Variants in GREM2 observed in about 807,000 individuals in gnomAD.
GREM2 encodes the protein gremlin-2.
In GREM2, 11 loss-of-function variants were observed where a neutral mutation model predicts 14.2. The ratio of observed to expected loss-of-function variants is 0.78; its 90% confidence interval spans 0.49 to 1.28. GREM2 has a LOEUF of 1.28. GREM2 is among the 50% of genes most tolerant of loss of function. The pLI is 0.00. For synonymous variants in GREM2, 98 were observed against 97.6 expected (o/e 1.00, Z -0.02); for missense variants, 210 against 218.5 (o/e 0.96, Z 0.24).
intron 1 of GREM2, among the ~76,000 whole-genome samples, chr1:240,577,429 T>C (rs561881815): frequency 3.9e-4 from 60 of 152,342 alleles, no homozygotes; most frequent in African/African-American, 1.4e-3. Context: ...CACACAAATA[T>C]GTTGTGCCAC....
chr1:240,535,798 C>CA (rs71170755), intron 1 of GREM2, among the ~76,000 whole-genome samples: 116,744 of 130,070 alleles, frequency 0.9, 52,256 homozygotes, highest in East Asian at 0.93. Context: ...GACTCCATCG[C>CA]AAAAAAAAAA....
chr1:240,581,479 T>A (rs1466491082), intron 1 of GREM2, among the ~76,000 whole-genome samples: 4 of 152,196 alleles, frequency 2.6e-5, no homozygotes, highest in Non-Finnish European at 5.9e-5. Flanking sequence ...GTTTGAACAT[T>A]TTAAGTTAAA....
chr1:240,556,889 G>A (rs1045196492), intron 1 of GREM2, among the ~76,000 whole-genome samples: 10 of 152,182 alleles, frequency 6.6e-5, no homozygotes, highest in Admixed American at 5.9e-4. Flanking sequence ...ATCATGGGAT[G>A]TCTGGGCGTG....
chr1:240,545,075 T>G (rs1485373688), intron 1 of GREM2, among the ~76,000 whole-genome samples: 1 of 152,234 alleles, frequency 6.6e-6, no homozygotes, highest in Non-Finnish European at 1.5e-5. Context: ...TGTTGTCTGA[T>G]GGCTGGAGGC....
At chr1:240,500,450 C>T (rs1677545359) in intron 1 of GREM2, among the ~76,000 whole-genome samples, 2 of 152,162 alleles carry the variant, frequency 1.3e-5, no homozygotes, top group East Asian at 1.9e-4. Flanking sequence ...AGGCACCCAC[C>T]ACCACACCTG....
Position 240,560,290 on chromosome 1 carries a change from C to T in GREM2, c.-2+51594G>A, listed in dbSNP as rs565586932. On this transcript the variant is annotated intron_variant, in intron 1 of 1. Transcript: ENST00000318160. ...CAGTGCAGTTGGGTGATACTGCCGCCATGGGTGCTCAGGTGCCAGCAGTTG... is the reference window on the plus strand; with the variant it reads ...CAGTGCAGTTGGGTGATACTGCCGCTATGGGTGCTCAGGTGCCAGCAGTTG... Among the ~76,000 whole-genome samples, 6 of 152,238 alleles carry T rather than the reference C, an allele frequency of 3.9e-5. No individual in the cohort carries two copies. In the South Asian group the frequency reaches 1.2e-3, roughly 32 times the overall value.
chr1:240,503,763 C>A (rs138452040), intron 1 of GREM2, among the ~76,000 whole-genome samples: 1 of 152,260 alleles, frequency 6.6e-6, no homozygotes, highest in Non-Finnish European at 1.5e-5. Flanking sequence ...CTTTGTGAAA[C>A]CATACATGTT....
Position 240,543,805 on chromosome 1 carries a change from AT to A in GREM2, c.-1-50330del, listed in dbSNP as rs1360373349. Among the ~76,000 whole-genome samples the A allele has an allele frequency of 1.3e-5, 2 of 152,202 alleles. No individual in the cohort carries two copies. The highest frequency in any genetic ancestry group is 2.9e-5 in the Non-Finnish European group (2 of 68,030). On this transcript the variant is annotated intron_variant, in intron 1 of 1. Coordinates refer to ENST00000318160, the MANE Select transcript of GREM2 (RefSeq NM_022469.4). This position sits in a 1 kb window ranked among gnomAD's most constrained non-coding sequence, Gnocchi z 6.4. ...GGGATTGATATACAGGCCTAACGCT[AT>A]TTTTGACACTTGATATCTTAAGAGA...
chr1:240,506,015 C>A (rs1180023530), intron 1 of GREM2, among the ~76,000 whole-genome samples: 2 of 152,006 alleles, frequency 1.3e-5, no homozygotes, highest in Admixed American at 1.3e-4. Flanking sequence ...ATACTCTTTA[C>A]ATAATATCTA....
At chr1:240,565,613 G>A (rs1284968335) in intron 1 of GREM2, among the ~76,000 whole-genome samples, 1 of 152,000 alleles carries the variant, frequency 6.6e-6, no homozygotes, top group Non-Finnish European at 1.5e-5. Context: ...TTAGGAGGCC[G>A]AGGTGGGCAG....
rs1402467269 is a variant in GREM2, at chr1:240,542,084, C to T, written c.-1-48608G>A. Reference sequence around the variant, plus strand: ...GCATTTTTGGTCATCACCACTATGACGGCTGCTACTGAAATCTAGAAGGTC... The same window carrying T: ...GCATTTTTGGTCATCACCACTATGATGGCTGCTACTGAAATCTAGAAGGTC... On this transcript the variant is annotated intron_variant, in intron 1 of 1. Coordinates refer to ENST00000318160, the MANE Select transcript of GREM2 (RefSeq NM_022469.4). The surrounding 1 kb of genome is among the most constrained non-coding windows in gnomAD (Gnocchi z 4.1). 1.3e-5 allele frequency among the ~76,000 whole-genome samples: 2 copies of T among 152,108 alleles called. No individual in the cohort carries two copies. Among genetic ancestry groups the T allele is most frequent in the Non-Finnish European group, 2.9e-5 (2 of 68,030 alleles).
chr1:240,586,570 G>A (rs1253906380), intron 1 of GREM2, among the ~76,000 whole-genome samples: 1 of 152,114 alleles, frequency 6.6e-6, no homozygotes, highest in African/African-American at 2.4e-5. Context: ...GGAAGGAAGT[G>A]GACCCTGGAA....
intron 1 of GREM2, among the ~76,000 whole-genome samples, chr1:240,584,956 C>G (rs1227284194): frequency 2.6e-5 from 4 of 152,148 alleles, no homozygotes; most frequent in Admixed American, 6.6e-5. Context: ...TTCTGTCCAT[C>G]CTTTGCCTTT....
intron 1 of GREM2, among the ~76,000 whole-genome samples, chr1:240,515,883 A>C (rs1558145347): frequency 6.6e-6 from 1 of 152,124 alleles, no homozygotes; most frequent in Non-Finnish European, 1.5e-5. Flanking sequence ...CCCCTCTTGA[A>C]CATAAAAAGG....
chr1:240,553,641 T>C (rs1678899104), intron 1 of GREM2, among the ~76,000 whole-genome samples: 1 of 152,214 alleles, frequency 6.6e-6, no homozygotes, highest in Admixed American at 6.5e-5. Context: ...CTTATTTATA[T>C]AACGAACACT....
intron 1 of GREM2, among the ~76,000 whole-genome samples, chr1:240,580,811 A>G (rs1252009957): frequency 1.3e-5 from 2 of 152,234 alleles, no homozygotes; most frequent in Non-Finnish European, 2.9e-5. Context: ...CACCTCAAGC[A>G]GTCCTCCTGC....
At position 240,492,454 on chromosome 1, in the gene GREM2, C is replaced by T. The variant is rs536516135; in HGVS notation, c.*515G>A. The T allele has an allele frequency of 2.4e-4, 47 of 195,818 alleles. No individual in the cohort carries two copies. Among genetic ancestry groups the T allele is most frequent in the African/African-American group, 1.0e-3 (46 of 43,922 alleles). 12.1% of individuals were successfully genotyped at this position (195,818 alleles called of 1,614,324 possible). On this transcript the variant is annotated 3_prime_UTR_variant, in exon 2 of 2. Coordinates refer to ENST00000318160, the MANE Select transcript of GREM2 (RefSeq NM_022469.4). ...GTTGCACATATCCTCATCACAGCAG[C>T]GACCGAGGGCAGCCTGCCAGTCACA...
intron 1 of GREM2, among the ~76,000 whole-genome samples, chr1:240,586,161 A>T (rs922599196): frequency 6.6e-6 from 1 of 152,190 alleles, no homozygotes; most frequent in Non-Finnish European, 1.5e-5. Context: ...TAAGACAAAG[A>T]TTACTACATA....
chr1:240,492,963 C>T lies in GREM2; in HGVS notation c.*6G>A, dbSNP rs756315285. On this transcript the variant is annotated 3_prime_UTR_variant, in exon 2 of 2. Transcript: ENST00000318160. ...GCGCGGGGCTGAGCTGCGTCCGGCCCGGCGCTCACTGCTTGTCCGAGTCGC... is the reference window on the plus strand; with the variant it reads ...GCGCGGGGCTGAGCTGCGTCCGGCCTGGCGCTCACTGCTTGTCCGAGTCGC... 2 of 1,518,118 alleles carry T rather than the reference C, an allele frequency of 1.3e-6. No homozygotes were observed. The highest frequency in any genetic ancestry group is 1.8e-6 in the Non-Finnish European group (2 of 1,129,546). The allele number at this position is 1,518,118 out of a possible 1,614,324, so 94.0% of individuals were successfully genotyped here.
Sources: gnomAD v4.1 joint callset for allele counts (sites outside exome capture counted in the v4.1 genomes callset) on GRCh38, gnomAD v4.1.1 for gene constraint, Gnocchi (gnomAD v3.1) non-coding constraint, MANE v1.5 for transcripts, NCBI Gene and HGNC (gene_info 2026-07-23, HGNC 2026-07-21) for gene names.